The following APOLD1 variants were observed in gnomAD, a reference collection of about 807,000 sequenced individuals.
APOLD1 encodes apolipoprotein L domain-containing protein 1.
A neutral mutation model predicts 15.3 loss-of-function variants in APOLD1; 22 were observed. The observed-to-expected ratio is 1.44, with a 90% CI of 1.03 to 2.05. APOLD1 has a LOEUF of 2.05. Ranked by LOEUF, APOLD1 falls within the 30% of genes most tolerant of loss-of-function variation. The probability of loss-of-function intolerance (pLI) is 0.00; values close to 1 mark genes in which losing one functional copy is unlikely to be tolerated. For missense variants in APOLD1, 394 were observed against 353.5 expected (o/e 1.11, Z -0.92); for synonymous variants, 190 against 167.4 (o/e 1.13, Z -1.04).
intron 1 of APOLD1, among the ~76,000 whole-genome samples, chr12:12,771,066 G>A (rs183438761): frequency 2.6e-5 from 4 of 152,192 alleles, no homozygotes; most frequent in African/African-American, 9.6e-5. Context: ...CAAAAATTGG[G>A]GGAATTTGTT....
At chr12:12,747,298 A>C (rs1380312741) in intron 1 of APOLD1, among the ~76,000 whole-genome samples, 1 of 152,192 alleles carries the variant, frequency 6.6e-6, no homozygotes, top group Non-Finnish European at 1.5e-5. Flanking sequence ...TAGTTAAAAA[A>C]ACAAAAAACA....
At chr12:12,766,883 A>G (rs1248089840) in intron 1 of APOLD1, among the ~76,000 whole-genome samples, 2 of 152,074 alleles carry the variant, frequency 1.3e-5, no homozygotes, top group Non-Finnish European at 2.9e-5. Flanking sequence ...ACAAAACAAA[A>G]CAAATAAACA....
intron 1 of APOLD1, among the ~76,000 whole-genome samples, chr12:12,743,049 G>T (rs769731233): frequency 6.6e-6 from 1 of 152,194 alleles, no homozygotes; most frequent in Admixed American, 6.5e-5. Flanking sequence ...ACCGCGCCCC[G>T]CCATGGTCAA....
At position 12,770,057 on chromosome 12, in the gene APOLD1, A is replaced by C. The variant is rs573894007; in HGVS notation, c.97-16852A>C. The stretch of plus-strand genomic sequence containing the variant: ...AGATGCTCTGGATAAAGTAGACAGC[A>C]TGCAAGAACAGGTAGGCAATGTAAG... On this transcript the variant is annotated intron_variant, in intron 1 of 1. Coordinates refer to the APOLD1 transcript ENST00000326765. Among the ~76,000 whole-genome samples, 283 of 152,360 alleles carry C rather than the reference A, an allele frequency of 1.9e-3. 1 individual carries two copies. The highest frequency in any genetic ancestry group is 2.9e-3 in the Non-Finnish European group (198 of 68,028).
intron 1 of APOLD1, among the ~76,000 whole-genome samples, chr12:12,745,012 A>G (rs530710804): frequency 6.6e-6 from 1 of 152,164 alleles, no homozygotes; most frequent in South Asian, 2.1e-4. Flanking sequence ...GCCTGCTTTG[A>G]ATTTATTGTT....
intron 1 of APOLD1, among the ~76,000 whole-genome samples, chr12:12,777,889 GTTTT>G (rs71436735): frequency 3.5e-3 from 411 of 116,934 alleles, no homozygotes; most frequent in African/African-American, 0.014. Context: ...AAGGAAAGGT[GTTTT>G]TTTTTTTTTT....
intron 1 of APOLD1, among the ~76,000 whole-genome samples, chr12:12,750,336 C>T (rs1045084247): frequency 8.5e-6 from 1 of 117,352 alleles, no homozygotes; most frequent in African/African-American, 3.2e-5. Context: ...CGGGCCATTG[C>T]ATTTCAGCCT....
rs1262246163 is a variant in APOLD1 at position 12,791,325 on chromosome 12, G to A, written c.*3673G>A. 2.0e-5 allele frequency: 3 copies of A among 152,178 alleles called. No individual in the cohort carries two copies. Among genetic ancestry groups the A allele is most frequent in the African/African-American group, 7.2e-5 (3 of 41,452 alleles). The allele number at this position is 152,178 out of a possible 1,614,324, so 9.4% of individuals were successfully genotyped here. A position where few individuals can be genotyped will look rare whatever the true frequency, so the allele number is the denominator to read the frequency against. ...TGTATTTCTCATTCAATATTTTAGTGTGAATTGAGACACTGAGATAAAGAC... is the reference window on the plus strand; with the variant it reads ...TGTATTTCTCATTCAATATTTTAGTATGAATTGAGACACTGAGATAAAGAC... On this transcript the variant is annotated 3_prime_UTR_variant, in exon 2 of 2. Transcript: ENST00000356591.
Position 12,763,954 on chromosome 12 carries a change from T to TTTTA in APOLD1, c.97-22932_97-22929dup, listed in dbSNP as rs556317238. On this transcript the variant is annotated intron_variant, in intron 1 of 1. Transcript: ENST00000326765. ...GGACTGACTATATATAGCACATTAT[T>TTTTA]TTTATTTATTTATTTATTTATTTAT... is the stretch of plus-strand genomic sequence containing the variant. Among the ~76,000 whole-genome samples, 860 of 152,002 alleles carry TTTTA rather than the reference T, an allele frequency of 5.7e-3. 6 individuals are homozygous for TTTTA. Among genetic ancestry groups the TTTTA allele is most frequent in the African/African-American group, 0.019 (771 of 41,438 alleles).
intron 1 of APOLD1, among the ~76,000 whole-genome samples, chr12:12,763,562 G>T (rs1273906511): frequency 6.6e-6 from 1 of 151,966 alleles, no homozygotes. Flanking sequence ...CAAATAAAAA[G>T]CAATGAAGTA....
At chr12:12,729,947 C>T (rs1038883970) in intron 1 of APOLD1, among the ~76,000 whole-genome samples, 6 of 151,832 alleles carry the variant, frequency 4.0e-5, no homozygotes, top group African/African-American at 1.5e-4. Context: ...GCCTCGACCT[C>T]CTGGGCTCAA....
intron 1 of APOLD1, chr12:12,726,213 C>T: frequency 2.6e-6 from 2 of 770,640 alleles, no homozygotes; most frequent in Non-Finnish European, 4.1e-6. Flanking sequence ...TTATTTCAAC[C>T]GCCACTCAGA....
intron 1 of APOLD1, among the ~76,000 whole-genome samples, chr12:12,754,473 G>C (rs1046596760): frequency 1.3e-5 from 2 of 151,494 alleles, no homozygotes; most frequent in African/African-American, 4.8e-5. Context: ...ATTTAGAGAC[G>C]GAGTCTTGCT....
intron 1 of APOLD1, among the ~76,000 whole-genome samples, chr12:12,733,371 T>G (rs1043224201): frequency 3.3e-5 from 5 of 152,082 alleles, no homozygotes; most frequent in Admixed American, 6.6e-5. Flanking sequence ...CATAGCACAT[T>G]AAGACCAAAA....
intron 1 of APOLD1, among the ~76,000 whole-genome samples, chr12:12,755,633 G>C (rs1946852046): frequency 1.3e-5 from 2 of 152,150 alleles, no homozygotes; most frequent in South Asian, 4.1e-4. Context: ...TTAAGCTCAG[G>C]AGTTCAGGAC....
upstream of APOLD1, among the ~76,000 whole-genome samples, chr12:12,783,501 CG>C (rs1285013212): frequency 2.0e-5 from 3 of 151,646 alleles, no homozygotes; most frequent in African/African-American, 4.8e-5. Context: ...TTAGTAGAGA[CG>C]GGGTCTTACC....
chr12:12,766,328 T>C (rs1251212275), intron 1 of APOLD1, among the ~76,000 whole-genome samples: 1 of 152,082 alleles, frequency 6.6e-6, no homozygotes, highest in Non-Finnish European at 1.5e-5. Flanking sequence ...GATCATGTAA[T>C]ATAGTACCAA....
upstream of APOLD1, among the ~76,000 whole-genome samples, chr12:12,782,857 C>G (rs1947093251): frequency 2.0e-5 from 3 of 152,090 alleles, 1 homozygote; most frequent in South Asian, 6.2e-4. Flanking sequence ...AACTTTTGAA[C>G]AAAATGCCTT....
At chr12:12,743,605 C>A (rs1436186925) in intron 1 of APOLD1, among the ~76,000 whole-genome samples, 2 of 152,140 alleles carry the variant, frequency 1.3e-5, no homozygotes, top group Non-Finnish European at 2.9e-5. Flanking sequence ...ATGCCCCCCT[C>A]CAAAGAGATA....
Sources: gnomAD v4.1 joint callset for allele counts (sites outside exome capture counted in the v4.1 genomes callset) on GRCh38, gnomAD v4.1.1 for gene constraint, MANE v1.5 for transcripts, NCBI Gene and HGNC (gene_info 2026-07-23, HGNC 2026-07-21) for gene names.